The following ZNF521 variants were observed in gnomAD, a reference collection of about 807,000 sequenced individuals.
The protein encoded by ZNF521 is zinc finger protein 521, also known as LYST-interacting protein 3.
Under a neutral mutation model 105.5 loss-of-function variants are expected in ZNF521, and 14 were observed. The ratio of observed to expected loss-of-function variants is 0.13; its 90% CI spans 0.09 to 0.21. The LOEUF is 0.21. ZNF521 is among the 10% of genes least tolerant of loss of function. ZNF521 has a pLI of 1.00. For missense variants in ZNF521, 1,233 were observed against 1,629.7 expected (o/e 0.76, Z 4.19); for synonymous variants, 635 against 606.0 (o/e 1.05, Z -0.70).
chr18:25,144,654 T>A (rs1167139093), intron 5 of ZNF521, among the ~76,000 whole-genome samples: 1 of 152,076 alleles, frequency 6.6e-6, no homozygotes, highest in Non-Finnish European at 1.5e-5. Flanking sequence ...CATTGCCATG[T>A]AGTTATCTAT....
intron 7 of ZNF521, among the ~76,000 whole-genome samples, chr18:25,084,017 C>T (rs2033565728): frequency 7.4e-6 from 1 of 135,652 alleles, no homozygotes; most frequent in African/African-American, 2.8e-5. Flanking sequence ...CTCTTGGGCT[C>T]AAGTGATCCG....
At chr18:25,110,301 G>C (rs1467671541) in intron 5 of ZNF521, among the ~76,000 whole-genome samples, 1 of 152,248 alleles carries the variant, frequency 6.6e-6, no homozygotes, top group African/African-American at 2.4e-5. Context: ...CAGCGGGACT[G>C]AGGAGGTGAG....
chr18:25,299,706 T>C (rs1476942508), intron 3 of ZNF521, among the ~76,000 whole-genome samples: 1 of 152,174 alleles, frequency 6.6e-6, no homozygotes, highest in Non-Finnish European at 1.5e-5. Context: ...TACCACTCTA[T>C]AAACGCGACC....
chr18:25,271,179 A>C (rs139125444), intron 3 of ZNF521, among the ~76,000 whole-genome samples: 1 of 152,194 alleles, frequency 6.6e-6, no homozygotes, highest in African/African-American at 2.4e-5. Context: ...CAATTGCTAC[A>C]AGGAGAATAA....
At chr18:25,115,957 T>C (rs1472342266) in intron 5 of ZNF521, among the ~76,000 whole-genome samples, 1 of 152,170 alleles carries the variant, frequency 6.6e-6, no homozygotes, top group Non-Finnish European at 1.5e-5. Flanking sequence ...CAACCTAATA[T>C]TCAAAGCAGT....
chr18:25,290,793 T>G (rs1175656324), intron 3 of ZNF521, among the ~76,000 whole-genome samples: 1 of 151,852 alleles, frequency 6.6e-6, no homozygotes, highest in African/African-American at 2.4e-5. Context: ...GTATTTTTAG[T>G]AGAGACCCAC....
At chr18:25,179,483 T>C (rs531562942) in intron 5 of ZNF521, among the ~76,000 whole-genome samples, 1 of 152,256 alleles carries the variant, frequency 6.6e-6, no homozygotes, top group East Asian at 1.9e-4. Context: ...TTTACGTGTG[T>C]GCATGTGTGT....
At position 25,241,306 on chromosome 18, in the gene ZNF521, T is replaced by G. The variant is rs139359237; in HGVS notation, c.221-13609A>C. 3.9e-4 allele frequency among the ~76,000 whole-genome samples: 59 copies of G among 152,316 alleles called. 2 individuals carry two copies. The East Asian group carries it at 0.011, about 29-fold the overall frequency. On this transcript the variant is annotated intron_variant, in intron 3 of 7. Transcript: ENST00000361524. ...ATTAAAGACACGAAAACCTGCCACT[T>G]ATCAGAATTGTATTTGAATCGAACC...
chr18:25,178,301 A>G (rs780581811), intron 5 of ZNF521, among the ~76,000 whole-genome samples: 3 of 152,230 alleles, frequency 2.0e-5, no homozygotes, highest in Non-Finnish European at 4.4e-5. Flanking sequence ...CATGTGCGCT[A>G]TTAAGACAGG....
intron 2 of ZNF521, among the ~76,000 whole-genome samples, chr18:25,342,404 C>G (rs1232901174): frequency 8.4e-6 from 1 of 119,584 alleles, no homozygotes; most frequent in Non-Finnish European, 1.7e-5. Flanking sequence ...CTTTTCTTTC[C>G]TTTGTTTTTT....
chr18:25,199,182 T>C (rs2035951433), intron 4 of ZNF521, among the ~76,000 whole-genome samples: 1 of 151,910 alleles, frequency 6.6e-6, no homozygotes, highest in Non-Finnish European at 1.5e-5. Context: ...TAGAATATTC[T>C]TTCAGAGAAA....
chr18:25,306,414 C>A (rs1015271841), intron 3 of ZNF521, among the ~76,000 whole-genome samples: 1 of 151,992 alleles, frequency 6.6e-6, no homozygotes, highest in Non-Finnish European at 1.5e-5. Flanking sequence ...GTGGGCATAA[C>A]CAGTAATTCC....
chr18:25,298,952 C>T lies in ZNF521; in HGVS notation c.220+23056G>A, dbSNP rs148339911. 2.6e-4 allele frequency among the ~76,000 whole-genome samples: 40 copies of T among 152,306 alleles called. No homozygotes were observed. In the East Asian group the frequency reaches 2.9e-3, roughly 11 times the overall value. On this transcript the variant is annotated intron_variant, in intron 3 of 7. Transcript: ENST00000361524. ...AATGCAGCGTTGGCTCCTTGCCAAACAGCCAGACCACAAACATGGATACAC... is the reference window on the plus strand; with the variant it reads ...AATGCAGCGTTGGCTCCTTGCCAAATAGCCAGACCACAAACATGGATACAC...
At chr18:25,111,589 T>G (rs2034190955) in intron 5 of ZNF521, among the ~76,000 whole-genome samples, 1 of 152,252 alleles carries the variant, frequency 6.6e-6, no homozygotes, top group African/African-American at 2.4e-5. Flanking sequence ...CAAGTAAAGC[T>G]GACACCCCTG....
intron 3 of ZNF521, chr18:25,273,584 T>C (rs1389942296): frequency 1.3e-5 from 2 of 152,206 alleles, no homozygotes; most frequent in Non-Finnish European, 2.9e-5. Flanking sequence ...TTCTGGTCCA[T>C]AGCTTTCCCA....
chr18:25,086,082 A>AG lies in ZNF521; in HGVS notation c.3906+3382dup, dbSNP rs2033617318. 3.3e-5 allele frequency among the ~76,000 whole-genome samples: 5 copies of AG among 152,244 alleles called. No homozygotes were observed. In the South Asian group the frequency reaches 1.0e-3, roughly 32 times the overall value. ...CTTTGGTGGCATAAAAAAGTAGATG[A>AG]GTTCAAGTGGTTTAAAATTTACATT... On this transcript the variant is annotated intron_variant, in intron 7 of 7. Transcript: ENST00000361524.
chr18:25,275,955 CG>C (rs1294326972), intron 3 of ZNF521, among the ~76,000 whole-genome samples: 6 of 152,066 alleles, frequency 3.9e-5, no homozygotes, highest in African/African-American at 1.2e-4. Flanking sequence ...CTATTGATGG[CG>C]GAGGAGCACA....
intron 5 of ZNF521, among the ~76,000 whole-genome samples, chr18:25,094,931 G>A (rs1173321836): frequency 6.6e-6 from 1 of 151,978 alleles, no homozygotes. Context: ...GGCAGCACAG[G>A]TAGTAAAAGA....
chr18:25,291,591 A>G (rs1911025207), intron 3 of ZNF521, among the ~76,000 whole-genome samples: 6 of 152,188 alleles, frequency 3.9e-5, no homozygotes, highest in Admixed American at 3.9e-4. Flanking sequence ...CTCATCTTCC[A>G]CCAGGAGAAA....
Sources: gnomAD v4.1 joint callset for allele counts (sites outside exome capture counted in the v4.1 genomes callset) on GRCh38, gnomAD v4.1.1 for gene constraint, MANE v1.5 for transcripts, NCBI Gene and HGNC (gene_info 2026-07-23, HGNC 2026-07-21) for gene names.